Variants in TTC7B observed in about 807,000 individuals in gnomAD.
TTC7B encodes tetratricopeptide repeat protein 7B.
Under a neutral mutation model 106.8 loss-of-function variants are expected in TTC7B, and 28 were observed. That is an observed-to-expected ratio of 0.26 (90% confidence interval 0.19 to 0.36). TTC7B has a LOEUF of 0.36. Ranked by LOEUF, TTC7B falls within the 10% of genes least tolerant of loss-of-function variation. TTC7B has a pLI of 1.00. For missense variants in TTC7B, 862 were observed against 1,076.4 expected, an observed-to-expected ratio of 0.80 and a Z score of 2.79; for synonymous variants, 405 against 430.6, an observed-to-expected ratio of 0.94 and a Z score of 0.74.
chr14:90,592,908 T>C (rs754144075), intron 18 of TTC7B, among the ~76,000 whole-genome samples: 2 of 151,976 alleles, frequency 1.3e-5, no homozygotes, highest in Non-Finnish European at 2.9e-5. Context: ...CAGAGGAGCA[T>C]AGGATCATAG....
chr14:90,792,561 A>G (rs1891624541), intron 1 of TTC7B, among the ~76,000 whole-genome samples: 1 of 152,172 alleles, frequency 6.6e-6, no homozygotes, highest in Admixed American at 6.5e-5. Context: ...TGGGCAGCAG[A>G]GCAAGACTCT....
chr14:90,540,182 C>T lies in TTC7B; in HGVS notation c.*1186G>A, dbSNP rs775562378. The T allele has an allele frequency of 5.3e-5, 8 of 152,182 alleles. No individual in the cohort carries two copies. The highest frequency in any genetic ancestry group is 2.1e-4 in the South Asian group (1 of 4,824). The allele number at this position is 152,182 out of a possible 1,614,324, so 9.4% of individuals were successfully genotyped here. On this transcript the variant is annotated 3_prime_UTR_variant, in exon 20 of 20. Transcript: ENST00000328459. ...GCATGGTGGCTCACACCAGCACTTT[C>T]GGAGGCTGAGGCGGGAGGGCTGCTT...
chr14:90,615,772 T>C (rs1485469860), intron 16 of TTC7B, among the ~76,000 whole-genome samples: 1 of 152,044 alleles, frequency 6.6e-6, no homozygotes, highest in Non-Finnish European at 1.5e-5. Flanking sequence ...CCAGAGAAAA[T>C]CAAGTTAAAA....
Position 90,759,405 on chromosome 14 carries a change from C to G in TTC7B, c.446-14483G>C, listed in dbSNP as rs1269945220. On this transcript the variant is annotated intron_variant, in intron 3 of 19. Transcript: ENST00000328459. The surrounding 1 kb of genome is among the most constrained non-coding windows in gnomAD (Gnocchi z 4.1). Reference sequence around the variant, plus strand: ...TTAAAATATAAAACACGAGTCTGGCCTAGGTGATGTCTTACAACCTTACTA... The same window carrying G: ...TTAAAATATAAAACACGAGTCTGGCGTAGGTGATGTCTTACAACCTTACTA... Among the ~76,000 whole-genome samples, 2 of 152,156 alleles carry G rather than the reference C, an allele frequency of 1.3e-5. No individual in the cohort carries two copies. Among genetic ancestry groups the G allele is most frequent in the Non-Finnish European group, 2.9e-5 (2 of 68,028 alleles).
At chr14:90,796,420 G>C (rs533756286) in intron 1 of TTC7B, among the ~76,000 whole-genome samples, 4 of 152,164 alleles carry the variant, frequency 2.6e-5, no homozygotes, top group African/African-American at 9.7e-5. Flanking sequence ...AGGGGGGTCC[G>C]TGCCCTGGCT....
At position 90,780,818 on chromosome 14, in the gene TTC7B, C is replaced by A. The variant is rs773829725; in HGVS notation, c.365G>T (p.Arg122Leu). The A allele has an allele frequency of 6.2e-7, 1 of 1,614,148 alleles. No homozygotes were observed. The highest frequency in any genetic ancestry group is 1.3e-5 in the African/African-American group (1 of 74,946). ...DYKEALNIYARVGLDDLPLTA... is the reference protein window; with the variant it reads ...DYKEALNIYALVGLDDLPLTA... ...CAGTGGCAGATCGTCCAGGCCCACC[C>A]GGGCGTAAATGTTCAGAGCTTCTTT... is the stretch of plus-strand genomic sequence containing the variant. Residue 122 changes from arginine to leucine, a missense_variant, in exon 3 of 20, where the codon CGG becomes CTG. Coordinates refer to ENST00000328459, the MANE Select transcript of TTC7B (RefSeq NM_001010854.2).
chr14:90,658,490 A>G, intron 9 of TTC7B, 103 bp from the exon 10 acceptor site: 1 of 1,113,642 alleles, frequency 9.0e-7, no homozygotes, highest in Non-Finnish European at 1.3e-6. Flanking sequence ...AGTCCCATAA[A>G]ATCTGCTTCC....
At chr14:90,767,520 C>T (rs532215605) in intron 3 of TTC7B, among the ~76,000 whole-genome samples, 1 of 152,110 alleles carries the variant, frequency 6.6e-6, no homozygotes, top group Admixed American at 6.6e-5. Context: ...AGAGGAAGTC[C>T]AGCCCCCTTT....
intron 15 of TTC7B, among the ~76,000 whole-genome samples, chr14:90,621,286 C>A (rs1209504135): frequency 7.0e-6 from 1 of 143,578 alleles, no homozygotes; most frequent in Non-Finnish European, 1.5e-5. Flanking sequence ...GGGGTACAGC[C>A]GGGACGATAG....
At chr14:90,635,483 G>A (rs147069288) in intron 15 of TTC7B, among the ~76,000 whole-genome samples, 10 of 152,038 alleles carry the variant, frequency 6.6e-5, no homozygotes, top group Admixed American at 2.6e-4. Context: ...TATATAGGCC[G>A]GGCGCAGTGG....
At chr14:90,763,529 C>A (rs1838849694) in intron 3 of TTC7B, among the ~76,000 whole-genome samples, 2 of 152,156 alleles carry the variant, frequency 1.3e-5, no homozygotes, top group East Asian at 3.9e-4. Flanking sequence ...CAATACAAAG[C>A]AACAAAGTCA....
intron 3 of TTC7B, among the ~76,000 whole-genome samples, chr14:90,761,768 A>G (rs1279423161): frequency 1.3e-5 from 2 of 151,922 alleles, no homozygotes; most frequent in Non-Finnish European, 2.9e-5. Context: ...TCCTCCCTCA[A>G]CCACCTTCCC....
intron 15 of TTC7B, among the ~76,000 whole-genome samples, chr14:90,630,744 T>C (rs371111407): frequency 1.3e-5 from 2 of 152,224 alleles, no homozygotes; most frequent in East Asian, 3.8e-4. Flanking sequence ...ACATTATTTG[T>C]CCTTTTGTGA....
Position 90,699,196 on chromosome 14 carries a change from C to T in TTC7B, c.699-3618G>A, listed in dbSNP as rs192974316. The T allele has an allele frequency of 1.2e-3, 539 of 456,028 alleles. 4 individuals are homozygous for T. Among genetic ancestry groups the T allele is most frequent in the African/African-American group, 9.6e-3 (484 of 50,178 alleles). The allele number at this position is 456,028 out of a possible 1,614,324, so 28.2% of individuals were successfully genotyped here. A position where few individuals can be genotyped will look rare whatever the true frequency, so the allele number is the denominator to read the frequency against. ...GTTCTATGACTCTGAACCACATTCTCGGCTCTTTAATATTGCCATCTGTCC... is the reference window on the plus strand; with the variant it reads ...GTTCTATGACTCTGAACCACATTCTTGGCTCTTTAATATTGCCATCTGTCC... On this transcript the variant is annotated intron_variant, in intron 5 of 19. Transcript: ENST00000328459.
chr14:90,767,359 A>G (rs953334984), intron 3 of TTC7B, among the ~76,000 whole-genome samples: 10 of 152,246 alleles, frequency 6.6e-5, no homozygotes, highest in African/African-American at 1.9e-4. Flanking sequence ...AATAAGTGCT[A>G]TGGTTTGAAT....
chr14:90,636,421 A>G (rs1300341778), intron 15 of TTC7B, among the ~76,000 whole-genome samples: 1 of 114,464 alleles, frequency 8.7e-6, no homozygotes, highest in Non-Finnish European at 1.8e-5. Flanking sequence ...TGCTATAACG[A>G]TGTGGTAAAA....
intron 9 of TTC7B, among the ~76,000 whole-genome samples, chr14:90,669,200 T>C (rs768749024): frequency 3.4e-4 from 52 of 152,062 alleles, no homozygotes; most frequent in Non-Finnish European, 4.4e-4. Flanking sequence ...TCACACCATA[T>C]ACAAAAAAAC....
chr14:90,613,688 C>T (rs184066191), intron 16 of TTC7B, among the ~76,000 whole-genome samples: 78 of 152,320 alleles, frequency 5.1e-4, no homozygotes, highest in Non-Finnish European at 9.3e-4. Flanking sequence ...CCTCATAGCC[C>T]AGTCACCTCA....
At chr14:90,667,511 AT>A (rs1387090146) in intron 9 of TTC7B, among the ~76,000 whole-genome samples, 1 of 152,180 alleles carries the variant, frequency 6.6e-6, no homozygotes, top group Non-Finnish European at 1.5e-5. Flanking sequence ...GCAAAATGTT[AT>A]CCCCTACCCC....
Sources: allele counts gnomAD v4.1 joint callset (sites outside exome capture counted in the v4.1 genomes callset), GRCh38; gene constraint gnomAD v4.1.1; non-coding constraint Gnocchi (gnomAD v3.1); transcripts MANE v1.5; gene names NCBI Gene and HGNC (gene_info 2026-07-23, HGNC 2026-07-21).